IGF2BP1: variants seen among roughly 807,000 people sequenced by gnomAD.
IGF2BP1 encodes insulin-like growth factor 2 mRNA-binding protein 1.
IGF2BP1 carries 11 observed loss-of-function variants against 74.9 expected under a neutral mutation model. The observed-to-expected ratio is 0.15, with a 90% confidence interval of 0.09 to 0.24. The LOEUF (loss-of-function observed/expected upper bound fraction) is 0.24. IGF2BP1 is among the 10% of genes least tolerant of loss of function. The pLI, the probability that IGF2BP1 is intolerant of heterozygous loss-of-function variation, is 1.00. For missense variants in IGF2BP1, 440 were observed against 757.4 expected, an observed-to-expected ratio of 0.58 and a Z score of 4.92; for synonymous variants, 287 against 281.8, an observed-to-expected ratio of 1.02 and a Z score of -0.18.
At chr17:49,009,297 G>A (rs2143951020) in intron 2 of IGF2BP1, among the ~76,000 whole-genome samples, 1 of 152,238 alleles carries the variant, frequency 6.6e-6, no homozygotes, top group Middle Eastern at 3.4e-3. Context: ...CCAACAAGGT[G>A]CTGGGATTAC....
At chr17:48,999,923 G>GGTTGTGTGTGT (rs1555593972) in intron 2 of IGF2BP1, among the ~76,000 whole-genome samples, 2 of 134,024 alleles carry the variant, frequency 1.5e-5, no homozygotes, top group African/African-American at 2.9e-5. Flanking sequence ...GTGGATGAAT[G>GGTTGTGTGTGT]GTGTGTGTGT....
At chr17:49,020,097 A>G (rs1598137671) in intron 2 of IGF2BP1, among the ~76,000 whole-genome samples, 2 of 151,094 alleles carry the variant, frequency 1.3e-5, no homozygotes, top group African/African-American at 4.9e-5. Context: ...TATGTCACCC[A>G]GGCTGGAGTG....
intron 4 of IGF2BP1, among the ~76,000 whole-genome samples, chr17:49,028,807 T>TTTA (rs948357069): frequency 6.6e-5 from 10 of 152,004 alleles, no homozygotes; most frequent in African/African-American, 9.7e-5. Flanking sequence ...TTTCATCTGA[T>TTTA]TTATTATTAT....
chr17:49,024,495 G>T (rs2041829053), intron 2 of IGF2BP1, among the ~76,000 whole-genome samples: 1 of 152,090 alleles, frequency 6.6e-6, no homozygotes, highest in Non-Finnish European at 1.5e-5. Flanking sequence ...GCATTATGCT[G>T]ACTTGTATGT....
chr17:49,037,436 C>A, intron 5 of IGF2BP1: 1 of 370,856 alleles, frequency 2.7e-6, no homozygotes, highest in Non-Finnish European at 5.1e-6. Flanking sequence ...AGCCTGTAGG[C>A]AAATATTCAA....
In IGF2BP1 at chr17:49,045,904, C is replaced by T. The variant is rs1444020576; in HGVS notation, c.1410C>T (p.Ile470=). ...CCTCTTCTCAGGCTCAGGGAAGAAT[C>T]TATGGCAAACTCAAGGAGGAGAACT... ...PEAQFKAQGR[I]YGKLKEENFF... The change falls in exon 13 of 15, where the codon ATC becomes ATT. Residue 470 remains isoleucine (I), a synonymous_variant. Coordinates refer to ENST00000290341, the MANE Select transcript of IGF2BP1 (RefSeq NM_006546.4). 1 of 1,613,864 alleles carries T rather than the reference C, an allele frequency of 6.2e-7. No homozygotes were observed. Among genetic ancestry groups the T allele is most frequent in the Non-Finnish European group, 8.5e-7 (1 of 1,179,886 alleles).
At chr17:49,005,850 C>G (rs912061626) in intron 2 of IGF2BP1, among the ~76,000 whole-genome samples, 1 of 151,980 alleles carries the variant, frequency 6.6e-6, no homozygotes, top group African/African-American at 2.4e-5. Flanking sequence ...TTACATGAGG[C>G]CAGGAGTTCA....
At chr17:49,002,495 G>A (rs2041499046) in intron 2 of IGF2BP1, among the ~76,000 whole-genome samples, 1 of 151,954 alleles carries the variant, frequency 6.6e-6, no homozygotes, top group Non-Finnish European at 1.5e-5. Context: ...GGTTAAAAAG[G>A]GAATGAAAAC....
Position 49,000,838 on chromosome 17 carries a change from GCTTGCTT to G in IGF2BP1, c.236+1670_236+1676del, listed in dbSNP as rs1186642482. ...ATGAATCTTTTTCCCCAAGCCATCT[GCTTGCTT>G]TTAAGTCATTTCTAGGCCCTTTTTC... On this transcript the variant is annotated intron_variant, in intron 2 of 14. Transcript: ENST00000290341. Among the ~76,000 whole-genome samples the G allele has an allele frequency of 1.1e-4, 16 of 151,968 alleles. No individual in the cohort carries two copies. In the East Asian group the frequency reaches 2.9e-3, roughly 28 times the overall value.
At chr17:49,030,372 C>G (rs1318728618) in intron 4 of IGF2BP1, among the ~76,000 whole-genome samples, 2 of 152,076 alleles carry the variant, frequency 1.3e-5, no homozygotes, top group Admixed American at 1.3e-4. Flanking sequence ...GAACTCCTGA[C>G]CTCAAGTGAT....
At position 49,042,343 on chromosome 17, in the gene IGF2BP1, G is replaced by A. The variant is rs779104990; in HGVS notation, c.1043G>A (p.Arg348Gln). ...GAGCAGGAAATAATGAAGAAAGTTC[G>A]GGAGGCCTATGAGAATGATGTGGCT... ...RAEQEIMKKV[R>Q]EAYENDVAAM... Residue 348 changes from arginine to glutamine, a missense_variant, in exon 9 of 15, where the codon CGG becomes CAG. By Grantham distance (43) the Arg-to-Gln change is conservative. Coordinates refer to ENST00000290341, the MANE Select transcript of IGF2BP1 (RefSeq NM_006546.4). The A allele has an allele frequency of 5.6e-6, 9 of 1,613,910 alleles. No homozygotes were observed. The African/African-American group carries it at 8.0e-5, about 14-fold the overall frequency.
chr17:48,999,955 T>TGTGTGTGTGTGTTC (rs1555593989), intron 2 of IGF2BP1, among the ~76,000 whole-genome samples: 10 of 151,272 alleles, frequency 6.6e-5, no homozygotes, highest in African/African-American at 2.4e-4. Flanking sequence ...TGTGTGTGTG[T>TGTGTGTGTGTGTTC]GTGTGTGTTC....
At chr17:49,032,699 CT>C (rs1489457403) in intron 5 of IGF2BP1, among the ~76,000 whole-genome samples, 3 of 152,168 alleles carry the variant, frequency 2.0e-5, no homozygotes, top group Non-Finnish European at 4.4e-5. Context: ...CTACCATTTT[CT>C]TTTAGATACC....
intron 6 of IGF2BP1, 149 bp downstream of exon 6, chr17:49,038,598 C>G: frequency 1.3e-6 from 1 of 784,440 alleles, no homozygotes; most frequent in Non-Finnish European, 1.8e-6. Context: ...GCTTCCAATA[C>G]CAGCCTCCTG....
chr17:49,017,544 T>C (rs2041721297), intron 2 of IGF2BP1, among the ~76,000 whole-genome samples: 1 of 152,146 alleles, frequency 6.6e-6, no homozygotes, highest in South Asian at 2.1e-4. Flanking sequence ...AGAGATTGCT[T>C]TTTGGAGGGT....
chr17:49,008,794 G>A (rs1281773575), intron 2 of IGF2BP1, among the ~76,000 whole-genome samples: 1 of 151,994 alleles, frequency 6.6e-6, no homozygotes, highest in Non-Finnish European at 1.5e-5. Flanking sequence ...AATGCCATGG[G>A]AGAAAACATT....
At chr17:49,035,953 G>A (rs1173687547) in intron 5 of IGF2BP1, among the ~76,000 whole-genome samples, 1 of 152,166 alleles carries the variant, frequency 6.6e-6, no homozygotes, top group South Asian at 2.1e-4. Flanking sequence ...AGTGGAGGCC[G>A]CGGCTCCAGG....
At chr17:49,016,127 C>CG (rs2041698595) in intron 2 of IGF2BP1, among the ~76,000 whole-genome samples, 1 of 152,198 alleles carries the variant, frequency 6.6e-6, no homozygotes, top group South Asian at 2.1e-4. Flanking sequence ...CTTCTGACGT[C>CG]GGGGCTGTTC....
chr17:49,030,656 C>T (rs972390998), intron 4 of IGF2BP1, among the ~76,000 whole-genome samples: 3 of 150,922 alleles, frequency 2.0e-5, no homozygotes, highest in South Asian at 2.1e-4. Flanking sequence ...GACAGAGTCT[C>T]GCTCTGTCGC....
Sources: allele counts gnomAD v4.1 joint callset (sites outside exome capture counted in the v4.1 genomes callset), GRCh38; gene constraint gnomAD v4.1.1; transcripts MANE v1.5; gene names NCBI Gene and HGNC (gene_info 2026-07-23, HGNC 2026-07-21).